Variants in MSN observed in about 807,000 individuals in gnomAD.
The protein encoded by MSN is epididymis luminal protein 70.
MSN carries 2 observed loss-of-function variants against 48.0 expected under a neutral mutation model. The observed-to-expected ratio is 0.04, with a 90% CI of 0.02 to 0.13. The LOEUF (loss-of-function observed/expected upper bound fraction) is 0.13. Among genes scored for constraint, MSN ranks in the 10% least tolerant of loss-of-function variants. The pLI is 1.00. For synonymous variants in MSN, 146 were observed against 166.9 expected, an observed-to-expected ratio of 0.87 and a Z score of 0.97; for missense variants, 267 against 470.1, an observed-to-expected ratio of 0.57 and a Z score of 3.99.
chrX:65,630,887 A>G (rs751350813), intron 1 of MSN, among the ~76,000 whole-genome samples: 4 of 111,740 alleles, frequency 3.6e-5, no homozygotes, highest in African/African-American at 1.3e-4. Flanking sequence ...TAGTAGATTT[A>G]CATACAGTTG....
Position 65,599,218 on chromosome X carries a change from C to G in MSN, c.-22+10606C>G, listed in dbSNP as rs143650879. 1.3e-4 allele frequency among the ~76,000 whole-genome samples: 15 copies of G among 111,329 alleles called. 1 individual carries two copies. In the East Asian group the frequency reaches 4.2e-3, roughly 31 times the overall value. On this transcript the variant is annotated intron_variant, in intron 1 of 3. Transcript: ENST00000609672. ...GCTGAGGCAGAAGAATCACTTGAAC[C>G]TGGGAGGCAGAGGTTGCAGTGAGCC...
intron 5 of MSN, 40 bp downstream of exon 5, chrX:65,731,230 C>T (rs1209424477): frequency 9.4e-7 from 1 of 1,064,372 alleles, no homozygotes; most frequent in African/African-American, 1.8e-5. Context: ...ACTTCCCTTA[C>T]AGGGTGAATG....
chrX:65,659,261 C>G (rs1485416638), intron 1 of MSN, among the ~76,000 whole-genome samples: 1 of 111,129 alleles, frequency 9.0e-6, no homozygotes, highest in Non-Finnish European at 1.9e-5. Flanking sequence ...TCAAGCAATC[C>G]TCCTGCCTCA....
At chrX:65,697,431 G>C (rs1407324823) in intron 1 of MSN, among the ~76,000 whole-genome samples, 2 of 111,699 alleles carry the variant, frequency 1.8e-5, no homozygotes, top group Non-Finnish European at 3.8e-5. Flanking sequence ...GAAGACAAGG[G>C]GGAGCCAGGG....
chrX:65,691,787 T>A (rs1307068945), intron 1 of MSN, among the ~76,000 whole-genome samples: 1 of 112,264 alleles, frequency 8.9e-6, no homozygotes, highest in Admixed American at 9.4e-5. Context: ...ATTACAGGCG[T>A]GAGCCACTGT....
At chrX:65,674,537 C>G (rs749502658) in intron 1 of MSN, among the ~76,000 whole-genome samples, 18 of 111,901 alleles carry the variant, frequency 1.6e-4, no homozygotes, top group Non-Finnish European at 3.8e-5. Context: ...CTGTCTACCC[C>G]TCACCCCAGT....
chrX:65,588,657 C>G (rs2070117443), intron 1 of MSN: 8 of 785,140 alleles, frequency 1.0e-5, no homozygotes, highest in Non-Finnish European at 1.2e-5. Context: ...GGTTCCTGGA[C>G]AGGAAGTGCC....
intron 1 of MSN, among the ~76,000 whole-genome samples, chrX:65,660,674 C>A (rs1017503184): frequency 1.0e-4 from 11 of 108,864 alleles, no homozygotes; most frequent in Admixed American, 3.0e-4. Context: ...TCAAGCAATT[C>A]TCCTGCCTCA....
intron 2 of MSN, among the ~76,000 whole-genome samples, chrX:65,721,817 T>C (rs2071519335): frequency 1.8e-5 from 2 of 112,088 alleles, no homozygotes; most frequent in Admixed American, 9.5e-5. Flanking sequence ...GCATGGTGGC[T>C]CATGCCTGTA....
chrX:65,720,453 A>G (rs2071505751), intron 2 of MSN, among the ~76,000 whole-genome samples: 1 of 112,360 alleles, frequency 8.9e-6, no homozygotes, highest in African/African-American at 3.2e-5. Flanking sequence ...GAGAAAATAC[A>G]GGGAAAAAGA....
chrX:65,736,842 A>C lies in MSN; in HGVS notation c.1007A>C (p.Glu336Ala), dbSNP rs1159456307. 5 of 1,172,191 alleles carry C rather than the reference A, an allele frequency of 4.3e-6. No individual in the cohort carries two copies. Among genetic ancestry groups the C allele is most frequent in the Non-Finnish European group, 5.7e-6 (5 of 875,229 alleles). The change falls in exon 9 of 13, where the codon GAG becomes GCG. Residue 336 changes from glutamate (E) to alanine (A), a missense_variant. By Grantham distance (107) the Glu-to-Ala change is moderately radical (BLOSUM62 -1). Transcript: ENST00000360270. The stretch of plus-strand genomic sequence containing the variant: ...AAGAAGCGTGAAATGGCAGAGAAGG[A>C]GAAAGAGAAGATTGAACGGGAGAAG... Reference protein sequence around the residue: ...EKKKREMAEKEKEKIEREKEE... With the variant: ...EKKKREMAEKAKEKIEREKEE...
At chrX:65,638,516 G>A (rs1385726782) in intron 1 of MSN, among the ~76,000 whole-genome samples, 1 of 112,459 alleles carries the variant, frequency 8.9e-6, no homozygotes, top group Non-Finnish European at 1.9e-5. Context: ...CATTTAGCAG[G>A]AGCAGCTGTA....
intron 1 of MSN, among the ~76,000 whole-genome samples, chrX:65,655,976 AG>A (rs2070777980): frequency 9.0e-6 from 1 of 111,486 alleles, no homozygotes; most frequent in Non-Finnish European, 1.9e-5. Context: ...CATATTGTCC[AG>A]GCTGGTCTCG....
At chrX:65,692,088 T>C (rs2071178416) in intron 1 of MSN, among the ~76,000 whole-genome samples, 1 of 112,562 alleles carries the variant, frequency 8.9e-6, no homozygotes, top group Non-Finnish European at 1.9e-5. Flanking sequence ...CTCCAAACCT[T>C]TTCTGAGGGA....
chrX:65,647,592 G>T (rs927853935), intron 1 of MSN, among the ~76,000 whole-genome samples: 10 of 112,631 alleles, frequency 8.9e-5, no homozygotes, highest in African/African-American at 3.2e-4. Flanking sequence ...AGTGATATTT[G>T]ATCTAAAGGA....
intron 1 of MSN, among the ~76,000 whole-genome samples, chrX:65,651,706 G>A (rs989142801): frequency 1.1e-3 from 116 of 107,191 alleles, no homozygotes; most frequent in Non-Finnish European, 2.0e-3. Context: ...TCCTGCTTCA[G>A]CCTCTTGAGT....
chrX:65,705,790 G>A lies in MSN; in HGVS notation c.13-11028G>A, dbSNP rs754514008. On this transcript the variant is annotated intron_variant, in intron 1 of 12. Transcript: ENST00000360270. ...AAATGCTTCTTGAGGAGCTTCGGATGACAGGGCTGGGTCAAAACAAATGAA... is the reference window on the plus strand; with the variant it reads ...AAATGCTTCTTGAGGAGCTTCGGATAACAGGGCTGGGTCAAAACAAATGAA... 2.1e-4 allele frequency among the ~76,000 whole-genome samples: 23 copies of A among 111,713 alleles called. No homozygotes were observed. The South Asian group carries it at 6.4e-3, about 31-fold the overall frequency.
At chrX:65,726,824 T>C (rs980785595) in intron 2 of MSN, among the ~76,000 whole-genome samples, 1 of 111,489 alleles carries the variant, frequency 9.0e-6, no homozygotes, top group Non-Finnish European at 1.9e-5. Context: ...CCTGACCTCA[T>C]TAGGATGTGG....
intron 1 of MSN, among the ~76,000 whole-genome samples, chrX:65,672,445 C>G (rs1007676176): frequency 1.4e-4 from 16 of 111,813 alleles, no homozygotes; most frequent in African/African-American, 4.6e-4. Flanking sequence ...AGGGGGTGGT[C>G]TTTTCATGAC....
Sources: allele counts gnomAD v4.1 joint callset (sites outside exome capture counted in the v4.1 genomes callset), GRCh38; gene constraint gnomAD v4.1.1; transcripts MANE v1.5; gene names NCBI Gene and HGNC (gene_info 2026-07-23, HGNC 2026-07-21).